SEC14L1: variants seen among roughly 807,000 people sequenced by gnomAD.
SEC14L1 encodes SEC14-like protein 1.
Under a neutral mutation model 85.3 loss-of-function variants are expected in SEC14L1, and 48 were observed. That is an observed-to-expected ratio of 0.56 (90% CI 0.45 to 0.72). SEC14L1 has a LOEUF of 0.72. Among genes scored for constraint, SEC14L1 ranks in the 30% least tolerant of loss-of-function variants. The pLI is 0.00. For synonymous variants in SEC14L1, 391 were observed against 355.5 expected (o/e 1.10, Z -1.12); for missense variants, 682 against 921.4 (o/e 0.74, Z 3.36).
At position 77,214,437 on chromosome 17, in the gene SEC14L1, G is replaced by A; in HGVS notation, c.*414G>A. The stretch of plus-strand genomic sequence containing the variant: ...CCCCTCCTCACCTGGGACGGAAGCT[G>A]CCAGCTCGCTTCCCCCAAGCTGCCT... On this transcript the variant is annotated 3_prime_UTR_variant, in exon 17 of 17. Transcript: ENST00000436233. The A allele has an allele frequency of 1.0e-6, 1 of 1,000,910 alleles. No individual in the cohort carries two copies. The highest frequency in any genetic ancestry group is 1.2e-6 in the Non-Finnish European group (1 of 838,680). The allele number at this position is 1,000,910 out of a possible 1,614,324, so 62.0% of individuals were successfully genotyped here.
At chr17:77,114,836 C>CAA (rs35413326) in intron 3 of SEC14L1, among the ~76,000 whole-genome samples, 33 of 66,762 alleles carry the variant, frequency 4.9e-4, no homozygotes, top group African/African-American at 1.3e-3. Flanking sequence ...ACTTCATCTC[C>CAA]AAAAAAAAAA....
intron 8 of SEC14L1, among the ~76,000 whole-genome samples, chr17:77,196,584 C>T (rs1975815662): frequency 6.6e-6 from 1 of 152,202 alleles, no homozygotes. Flanking sequence ...TCCAAGTATT[C>T]ACACATTCAA....
chr17:77,092,397 G>A (rs2143272620), intron 2 of SEC14L1, among the ~76,000 whole-genome samples: 1 of 152,284 alleles, frequency 6.6e-6, no homozygotes, highest in African/African-American at 2.4e-5. Context: ...CAGGGGATGG[G>A]ACCCTCTCGG....
intron 3 of SEC14L1, among the ~76,000 whole-genome samples, chr17:77,153,385 T>TA (rs1973657433): frequency 6.6e-6 from 1 of 152,166 alleles, no homozygotes; most frequent in Admixed American, 6.5e-5. Flanking sequence ...TGTTTAAACA[T>TA]TTGCTGGCAG....
intron 3 of SEC14L1, among the ~76,000 whole-genome samples, chr17:77,114,644 G>A (rs1412065383): frequency 1.3e-5 from 2 of 150,616 alleles, no homozygotes; most frequent in Admixed American, 1.3e-4. Context: ...AGACCAGCCT[G>A]GCCAACATGG....
chr17:77,156,497 C>T (rs1598314051), intron 3 of SEC14L1, among the ~76,000 whole-genome samples: 1 of 151,764 alleles, frequency 6.6e-6, no homozygotes, highest in East Asian at 1.9e-4. Flanking sequence ...ATTGCTTGAA[C>T]CCAGGAGGCT....
chr17:77,169,590 A>G (rs1974440651), intron 3 of SEC14L1, among the ~76,000 whole-genome samples: 1 of 152,204 alleles, frequency 6.6e-6, no homozygotes, highest in South Asian at 2.1e-4. Context: ...TCTAAGCACT[A>G]AAGTTTGTTT....
intron 3 of SEC14L1, among the ~76,000 whole-genome samples, chr17:77,108,803 A>G (rs1222874958): frequency 6.7e-6 from 1 of 149,542 alleles, no homozygotes. Flanking sequence ...AAAAAAAAAA[A>G]AAGAATGTAT....
chr17:77,194,916 G>T lies in SEC14L1; in HGVS notation c.709+5G>T, dbSNP rs2143045538. ...CCGTGGTGGGCACCCCTGACGGTGG[G>T]TCTGGCAGGGGCTTCATCCCGAGAG... On this transcript the variant is annotated splice_donor_5th_base_variant and intron_variant, in intron 7 of 16. Transcript: ENST00000436233. 6.2e-7 allele frequency: 1 copy of T among 1,605,402 alleles called. No homozygotes were observed. The highest frequency in any genetic ancestry group is 2.2e-5 in the East Asian group (1 of 44,812).
intron 3 of SEC14L1, among the ~76,000 whole-genome samples, chr17:77,164,123 G>C (rs1017381648): frequency 6.6e-6 from 1 of 152,228 alleles, no homozygotes; most frequent in Non-Finnish European, 1.5e-5. Context: ...GAAACAGGTT[G>C]AAATTGGTTA....
intron 3 of SEC14L1, among the ~76,000 whole-genome samples, chr17:77,110,062 T>C (rs1225366207): frequency 1.3e-5 from 2 of 152,196 alleles, no homozygotes; most frequent in East Asian, 3.8e-4. Context: ...CTTTTAACTT[T>C]TGTCATGTTA....
chr17:77,191,805 T>G lies in SEC14L1; in HGVS notation c.345+493T>G, dbSNP rs183788620. 6.8e-4 allele frequency among the ~76,000 whole-genome samples: 103 copies of G among 151,742 alleles called. 1 individual carries two copies. The highest frequency in any genetic ancestry group is 2.1e-3 in the African/African-American group (85 of 41,338). ...TGATCCACCCCTTGGCCTAATTTTT[T>G]TTTTTTTTGAGATGGAGTCTCACTC... On this transcript the variant is annotated intron_variant, in intron 5 of 16. Transcript: ENST00000436233.
At chr17:77,178,191 TGAG>T (rs1007092775) in intron 3 of SEC14L1, among the ~76,000 whole-genome samples, 3 of 151,966 alleles carry the variant, frequency 2.0e-5, no homozygotes, top group Non-Finnish European at 4.4e-5. Flanking sequence ...CTCTTGCTCT[TGAG>T]GAGGAGACCG....
At chr17:77,179,442 C>T (rs993499766) in intron 3 of SEC14L1, among the ~76,000 whole-genome samples, 1 of 152,148 alleles carries the variant, frequency 6.6e-6, no homozygotes, top group African/African-American at 2.4e-5. Flanking sequence ...AATGAGAAGG[C>T]CCTAGAAAAG....
chr17:77,132,194 T>C (rs1017694193), intron 3 of SEC14L1, among the ~76,000 whole-genome samples: 1 of 152,070 alleles, frequency 6.6e-6, no homozygotes, highest in South Asian at 2.1e-4. Flanking sequence ...CAAAGTGGTC[T>C]CTTCCTTTAT....
At chr17:77,090,033 AAAGTCATAATTC>A (rs1305848492) in intron 2 of SEC14L1, 1 of 149,832 alleles carries the variant, frequency 6.7e-6, no homozygotes, top group African/African-American at 2.5e-5. Context: ...AAAAAAAAAA[AAAGTCATAATTC>A]AGGCCGGGCA....
At chr17:77,204,913 G>GC (rs1976387190) in intron 10 of SEC14L1, among the ~76,000 whole-genome samples, 1 of 152,136 alleles carries the variant, frequency 6.6e-6, no homozygotes. Context: ...CTCTTGGCGG[G>GC]CACATGTGGT....
At chr17:77,139,469 C>A (rs987583961), upstream of SEC14L1, among the ~76,000 whole-genome samples, 5 of 147,884 alleles carry the variant, frequency 3.4e-5, no homozygotes, top group Non-Finnish European at 5.9e-5. Flanking sequence ...ACCGCAACGG[C>A]GTTAAAGCGT....
intron 3 of SEC14L1, among the ~76,000 whole-genome samples, chr17:77,159,235 T>A (rs1039243544): frequency 6.6e-6 from 1 of 151,518 alleles, no homozygotes; most frequent in Non-Finnish European, 1.5e-5. Flanking sequence ...CCTGGCTAAT[T>A]TTTGCATTTT....
Sources: gnomAD v4.1 joint callset for allele counts (sites outside exome capture counted in the v4.1 genomes callset) on GRCh38, gnomAD v4.1.1 for gene constraint, MANE v1.5 for transcripts, NCBI Gene and HGNC (gene_info 2026-07-23, HGNC 2026-07-21) for gene names.